The following ABCB5 variants were observed in gnomAD, a reference collection of about 807,000 sequenced individuals.
ABCB5 encodes ATP-binding cassette sub-family B member 5.
Under a neutral mutation model 144.2 loss-of-function variants are expected in ABCB5, and 155 were observed. That is an observed-to-expected ratio of 1.08 (90% CI 0.94 to 1.23). The LOEUF is 1.23. Ranked by LOEUF, ABCB5 falls within the 50% of genes most tolerant of loss-of-function variation. The probability of loss-of-function intolerance (pLI) is 0.00; values close to 1 mark genes in which losing one functional copy is unlikely to be tolerated. For synonymous variants in ABCB5, 610 were observed against 528.6 expected (o/e 1.15, Z -2.11); for missense variants, 1,830 against 1,520.8 (o/e 1.20, Z -3.38).
chr7:20,623,693 T>C (rs1783850128), intron 2 of ABCB5, among the ~76,000 whole-genome samples: 1 of 152,212 alleles, frequency 6.6e-6, no homozygotes, highest in Non-Finnish European at 1.5e-5. Context: ...GTGGTACCTT[T>C]AATAAAAGAA....
At chr7:20,686,206 C>T (rs752419597) in intron 16 of ABCB5, among the ~76,000 whole-genome samples, 2 of 152,164 alleles carry the variant, frequency 1.3e-5, no homozygotes, top group African/African-American at 2.4e-5. Context: ...ATGCCACTCC[C>T]GGAATGCAGA....
intron 3 of ABCB5, 151 bp from the exon 4 acceptor site, chr7:20,628,537 A>G (rs1783960389): frequency 2.8e-6 from 2 of 717,962 alleles, no homozygotes; most frequent in Non-Finnish European, 2.2e-6. Context: ...ATAAATACAT[A>G]TCTATGATTT....
Position 20,745,451 on chromosome 7 carries a change from C to T in ABCB5, c.3429+13C>T. ...AGGTCTCCCTGAGGTAAGAAAATTT[C>T]TGAAATCTTGAATTATAAAGCTGCC... is the stretch of plus-strand genomic sequence containing the variant. On this transcript the variant is annotated intron_variant, in intron 26 of 27. Coordinates refer to ENST00000404938, the MANE Select transcript of ABCB5 (RefSeq NM_001163941.2). The T allele has an allele frequency of 6.2e-7, 1 of 1,613,514 alleles. No individual in the cohort carries two copies.
chr7:20,670,137 C>T (rs980517683), intron 14 of ABCB5, among the ~76,000 whole-genome samples: 4 of 152,122 alleles, frequency 2.6e-5, no homozygotes, highest in South Asian at 2.1e-4. Flanking sequence ...GAGCCTAAGG[C>T]GACATGATGA....
rs774574581 is a variant in ABCB5 at position 20,651,637 on chromosome 7, G to A, written c.1536+14G>A. On this transcript the variant is annotated intron_variant, in intron 13 of 27. Transcript: ENST00000404938. ...GAGTTTCCTAATGTGAGTACACTGT[G>A]CAGCCTGTGTCCTTAGCTTATGGTG... The A allele has an allele frequency of 3.3e-5, 53 of 1,612,876 alleles. No individual in the cohort carries two copies. The highest frequency in any genetic ancestry group is 4.1e-5 in the Non-Finnish European group (48 of 1,179,078).
intron 14 of ABCB5, among the ~76,000 whole-genome samples, chr7:20,680,502 G>A (rs1469059209): frequency 4.0e-5 from 6 of 151,722 alleles, no homozygotes; most frequent in Non-Finnish European, 5.9e-5. Flanking sequence ...CCCGGGAGAC[G>A]GAGCTTGCAG....
chr7:20,647,903 T>G, intron 10 of ABCB5, 65 bp from the exon 11 acceptor site: 2 of 1,184,650 alleles, frequency 1.7e-6, no homozygotes, highest in South Asian at 2.7e-5. Context: ...TATACTATTT[T>G]TAAAATGTAG....
chr7:20,683,347 T>A (rs1785887202), intron 15 of ABCB5, among the ~76,000 whole-genome samples: 1 of 152,214 alleles, frequency 6.6e-6, no homozygotes. Flanking sequence ...TGTTATTTGA[T>A]AATCGAATTT....
At chr7:20,659,622 C>A in intron 14 of ABCB5, 1 of 989,266 alleles carries the variant, frequency 1.0e-6, no homozygotes, top group South Asian at 4.6e-5. Flanking sequence ...ACTGTGGACA[C>A]TTCGGCAATT....
In ABCB5 at chr7:20,755,688, C is replaced by A; in HGVS notation, c.*64C>A. 6.8e-7 allele frequency: 1 copy of A among 1,475,982 alleles called. No homozygotes were observed. The allele number at this position is 1,475,982 out of a possible 1,614,324, so 91.4% of individuals were successfully genotyped here. The stretch of plus-strand genomic sequence containing the variant: ...GCAAAGAAGGAGTACTTAATAATTA[C>A]TTGGCAAGCTTTGATCTCTTTTATT... On this transcript the variant is annotated 3_prime_UTR_variant, in exon 28 of 28. Coordinates refer to ENST00000404938, the MANE Select transcript of ABCB5 (RefSeq NM_001163941.2).
intron 20 of ABCB5, among the ~76,000 whole-genome samples, chr7:20,714,316 A>T (rs1389876667): frequency 6.6e-6 from 1 of 152,088 alleles, no homozygotes; most frequent in Non-Finnish European, 1.5e-5. Flanking sequence ...AACTTATCTC[A>T]AGAATTAAAC....
rs58696871 is a variant in ABCB5, at chr7:20,691,168, C to CTTT, written c.2010+5363_2010+5365dup. Reference sequence around the variant, plus strand: ...GAAAACACAGACAAAACCCAGTGGACTTTTTTTTTTTTTTTTTTTTTTTTT... The same window carrying CTTT: ...GAAAACACAGACAAAACCCAGTGGACTTTTTTTTTTTTTTTTTTTTTTTTTTTT... On this transcript the variant is annotated intron_variant, in intron 16 of 27. Transcript: ENST00000404938. 2.7e-3 allele frequency among the ~76,000 whole-genome samples: 126 copies of CTTT among 46,118 alleles called. 4 individuals are homozygous for CTTT. Among genetic ancestry groups the CTTT allele is most frequent in the African/African-American group, 3.2e-3 (48 of 14,852 alleles). The allele number at this position is 46,118 out of a possible 152,430, so 30.3% of individuals were successfully genotyped here.
Position 20,645,973 on chromosome 7 carries a change from T to C in ABCB5, c.816T>C (p.Asn272=), listed in dbSNP as rs756255662. 6.6e-5 allele frequency: 106 copies of C among 1,613,406 alleles called. No individual in the cohort carries two copies. Among genetic ancestry groups the C allele is most frequent in the Non-Finnish European group, 8.7e-5 (103 of 1,179,706 alleles). Reference sequence around the variant, plus strand: ...CTGTTTTTGTAAGGTATACACAGAATCTCAAAGATGCAAAGGATTTTGGCA... The same window carrying C: ...CTGTTTTTGTAAGGTATACACAGAACCTCAAAGATGCAAAGGATTTTGGCA... The part of the protein sequence containing the change: ...QEKELQRYTQ[N]LKDAKDFGIK... Residue 272 remains asparagine (N), a synonymous_variant, in exon 9 of 28, where the codon AAT becomes AAC. Transcript: ENST00000404938.
chr7:20,753,429 G>A lies in ABCB5; in HGVS notation c.3499G>A (p.Ala1167Thr), dbSNP rs758282494. The change falls in exon 27 of 28, where the codon GCA (alanine) becomes ACA (threonine). Residue 1167 changes from alanine to threonine, a missense_variant. Coordinates refer to ENST00000404938, the MANE Select transcript of ABCB5 (RefSeq NM_001163941.2). ...CGGCCAGAAACAAAGACTAGCTATT[G>A]CAAGGGCTCTTCTCCAAAAACCCAA... ...SGGQKQRLAI[A>T]RALLQKPKIL... 6.2e-7 allele frequency: 1 copy of A among 1,614,132 alleles called. No individual in the cohort carries two copies. The highest frequency in any genetic ancestry group is 2.2e-5 in the East Asian group (1 of 44,878).
At chr7:20,656,978 A>G (rs1014629158) in intron 13 of ABCB5, among the ~76,000 whole-genome samples, 2 of 148,470 alleles carry the variant, frequency 1.3e-5, no homozygotes, top group African/African-American at 5.0e-5. Context: ...GCAATGCACA[A>G]TCTCAGCTCA....
chr7:20,647,301 A>T, intron 9 of ABCB5: 1 of 1,261,746 alleles, frequency 7.9e-7, no homozygotes, highest in East Asian at 3.5e-5. Context: ...GTTGTTCCTT[A>T]TTAGGAAAAG....
At chr7:20,697,477 A>G (rs1786460000) in intron 16 of ABCB5, among the ~76,000 whole-genome samples, 1 of 152,314 alleles carries the variant, frequency 6.6e-6, no homozygotes, top group African/African-American at 2.4e-5. Context: ...AAAGCTGTTC[A>G]GAAGAATTTT....
intron 5 of ABCB5, among the ~76,000 whole-genome samples, chr7:20,634,809 T>A (rs2128020255): frequency 6.6e-6 from 1 of 152,118 alleles, no homozygotes; most frequent in East Asian, 1.9e-4. Context: ...AGATATTAGT[T>A]TTTTGTTGGT....
intron 14 of ABCB5, chr7:20,666,701 T>A (rs1785206415): frequency 5.7e-6 from 9 of 1,568,414 alleles, no homozygotes; most frequent in Non-Finnish European, 7.8e-6. Context: ...TAGCTTTGTG[T>A]AATCTGTGAA....
Sources: allele counts gnomAD v4.1 joint callset (sites outside exome capture counted in the v4.1 genomes callset), GRCh38; gene constraint gnomAD v4.1.1; transcripts MANE v1.5; gene names NCBI Gene and HGNC (gene_info 2026-07-23, HGNC 2026-07-21).